Variants in ZFYVE1 observed in about 807,000 individuals in gnomAD.
ZFYVE1 encodes zinc finger FYVE domain-containing protein 1.
A neutral mutation model predicts 74.4 loss-of-function variants in ZFYVE1; 30 were observed. That is an observed-to-expected ratio of 0.40 (90% CI 0.30 to 0.55). ZFYVE1 has a LOEUF of 0.55. Among genes scored for constraint, ZFYVE1 ranks in the 20% least tolerant of loss-of-function variants. The pLI is 0.42. For missense variants in ZFYVE1, 703 were observed against 1,011.6 expected, an observed-to-expected ratio of 0.69 and a Z score of 4.14; for synonymous variants, 335 against 385.1, an observed-to-expected ratio of 0.87 and a Z score of 1.52.
At position 72,993,354 on chromosome 14, in the gene ZFYVE1, T is replaced by G; in HGVS notation, c.992A>C (p.His331Pro). The G allele has an allele frequency of 1.2e-6, 2 of 1,609,282 alleles. No individual in the cohort carries two copies. The highest frequency in any genetic ancestry group is 1.7e-6 in the Non-Finnish European group (2 of 1,178,816). ...GAGCTTCTCTGGCACCTCTGAGGGA[T>G]GATCTATACAAGCAGAAACACAGGC... is the stretch of plus-strand genomic sequence containing the variant. ...TVHTQLLGSD[H>P]PSEVPEKLIQ... Residue 331 changes from histidine (H) to proline (P), a missense_variant, in exon 4 of 12, where the codon CAT becomes CCT. Around this residue, in one of 2 missense-constraint regions of ZFYVE1, gnomAD observed 492 missense variants for 790.0 expected, o/e 0.62. Transcript: ENST00000556143.
At chr14:72,977,600 G>T (rs1388855062) in intron 8 of ZFYVE1, among the ~76,000 whole-genome samples, 1 of 152,046 alleles carries the variant, frequency 6.6e-6, no homozygotes, top group Non-Finnish European at 1.5e-5. Context: ...CAGGAAAAAG[G>T]CATGTAAATA....
At chr14:73,000,779 C>T (rs1228880845) in intron 2 of ZFYVE1, among the ~76,000 whole-genome samples, 1 of 152,160 alleles carries the variant, frequency 6.6e-6, no homozygotes, top group African/African-American at 2.4e-5. Flanking sequence ...CTTCTAAGTA[C>T]ATCAATGTTC....
chr14:72,978,850 G>A lies in ZFYVE1; in HGVS notation c.1419+11C>T, dbSNP rs375613692. On this transcript the variant is annotated intron_variant, in intron 6 of 11. Transcript: ENST00000556143. ...CCGCTGCTGACACAGGGAGGAGCTC[G>A]GAGGACTCACCTTGCAGGTATACAC... 4.0e-5 allele frequency: 64 copies of A among 1,612,530 alleles called. No individual in the cohort carries two copies. Among genetic ancestry groups the A allele is most frequent in the African/African-American group, 3.6e-4 (27 of 75,008 alleles).
chr14:72,997,384 G>C (rs1021376526), intron 3 of ZFYVE1, among the ~76,000 whole-genome samples: 1 of 151,372 alleles, frequency 6.6e-6, no homozygotes, highest in Non-Finnish European at 1.5e-5. Flanking sequence ...TTTTTTTAGA[G>C]ACATAGCCTC....
intron 2 of ZFYVE1, among the ~76,000 whole-genome samples, chr14:73,006,214 C>G (rs576024752): frequency 6.6e-6 from 1 of 152,008 alleles, no homozygotes; most frequent in Non-Finnish European, 1.5e-5. Context: ...CCACCGCGCC[C>G]GGCCAAAACA....
intron 4 of ZFYVE1, among the ~76,000 whole-genome samples, chr14:72,991,061 C>A (rs1353101416): frequency 6.6e-6 from 1 of 151,984 alleles, no homozygotes; most frequent in East Asian, 1.9e-4. Context: ...CGGAAGAATA[C>A]AGTCTAACTA....
intron 2 of ZFYVE1, among the ~76,000 whole-genome samples, chr14:73,020,210 G>T (rs1014215575): frequency 7.0e-6 from 1 of 142,042 alleles, no homozygotes; most frequent in Non-Finnish European, 1.5e-5. Context: ...AGCCAAGATT[G>T]TGCCATCACA....
At chr14:73,026,625 G>T (rs1303438579) in intron 1 of ZFYVE1, among the ~76,000 whole-genome samples, 3 of 151,790 alleles carry the variant, frequency 2.0e-5, no homozygotes, top group Non-Finnish European at 2.9e-5. Context: ...TGCCCACTCG[G>T]GCCCCCACCT....
chr14:72,985,719 A>AGG (rs1893459529), intron 4 of ZFYVE1, among the ~76,000 whole-genome samples: 1 of 152,076 alleles, frequency 6.6e-6, no homozygotes, highest in African/African-American at 2.4e-5. Flanking sequence ...CAGAAGGTAT[A>AGG]GAGAACACCA....
intron 2 of ZFYVE1, among the ~76,000 whole-genome samples, chr14:73,003,242 G>A (rs1221131636): frequency 6.6e-6 from 1 of 151,762 alleles, no homozygotes; most frequent in East Asian, 1.9e-4. Context: ...ACTTTTAGTA[G>A]AGATGGGATT....
chr14:72,978,067 C>G (rs773939972), intron 7 of ZFYVE1, 23 bp from the exon 8 acceptor site: 7 of 1,614,070 alleles, frequency 4.3e-6, no homozygotes, highest in Middle Eastern at 1.6e-4. Flanking sequence ...CAAATCAATA[C>G]TGTTACCCAG....
chr14:72,991,064 TCTAA>T (rs1362162856), intron 4 of ZFYVE1, among the ~76,000 whole-genome samples: 3 of 151,950 alleles, frequency 2.0e-5, no homozygotes, highest in Non-Finnish European at 2.9e-5. Context: ...AAGAATACAG[TCTAA>T]CTATTTTTCT....
At chr14:72,991,986 A>G (rs1893624024) in intron 4 of ZFYVE1, among the ~76,000 whole-genome samples, 1 of 150,864 alleles carries the variant, frequency 6.6e-6, no homozygotes, top group African/African-American at 2.4e-5. Flanking sequence ...GGCTCACTGC[A>G]ACGTCTGCCT....
chr14:72,983,234 C>T (rs1259217385), intron 4 of ZFYVE1, among the ~76,000 whole-genome samples: 1 of 151,130 alleles, frequency 6.6e-6, no homozygotes, highest in Non-Finnish European at 1.5e-5. Context: ...TTCTAGAGTA[C>T]ATGAGCACAA....
intron 8 of ZFYVE1, among the ~76,000 whole-genome samples, chr14:72,976,570 G>A (rs1893176049): frequency 6.6e-6 from 1 of 151,868 alleles, no homozygotes; most frequent in Admixed American, 6.6e-5. Flanking sequence ...GGATCACAAG[G>A]TCAAGAGATC....
intron 2 of ZFYVE1, among the ~76,000 whole-genome samples, chr14:73,000,259 T>C (rs1893840237): frequency 6.6e-6 from 1 of 152,082 alleles, no homozygotes; most frequent in Admixed American, 6.6e-5. Flanking sequence ...TCCTGAGTCA[T>C]TAGAGAAATG....
intron 2 of ZFYVE1, among the ~76,000 whole-genome samples, chr14:73,023,243 T>C (rs928261220): frequency 2.3e-4 from 27 of 117,824 alleles, no homozygotes; most frequent in African/African-American, 8.4e-4. Flanking sequence ...TTATATGTAA[T>C]ATATATATTA....
chr14:72,998,295 A>G lies in ZFYVE1; in HGVS notation c.504T>C (p.Phe168=), dbSNP rs997667. Residue 168 remains phenylalanine (F), a synonymous_variant, in exon 3 of 12, where the codon TTT becomes TTC. Transcript: ENST00000556143. ...EEIQVTNEED[F]IRKLDCKPDQ... The stretch of plus-strand genomic sequence containing the variant: ...CAGGTTTGCAGTCCAATTTTCTAAT[A>G]AAGTCTTCTTCATTTGTTACCTGCA... 508,969 of 1,499,144 alleles carry G rather than the reference A, an allele frequency of 0.34. 89,229 individuals carry two copies. Among genetic ancestry groups the G allele is most frequent in the Middle Eastern group, 0.38 (1,957 of 5,096 alleles). The allele number at this position is 1,499,144 out of a possible 1,614,324, so 92.9% of individuals were successfully genotyped here. A position where few individuals can be genotyped will look rare whatever the true frequency, so the allele number is the denominator to read the frequency against.
At position 73,026,800 on chromosome 14, in the gene ZFYVE1, C is replaced by T. The variant is rs531422703; in HGVS notation, c.-435+126G>A. On this transcript the variant is annotated intron_variant, in intron 1 of 11. Coordinates refer to ENST00000556143, the MANE Select transcript of ZFYVE1 (RefSeq NM_021260.4). Reference sequence around the variant, plus strand: ...AATCCATTGTTTATACCACCCCACCCCCACCCCCGCCGCACCCGCCCCCCC... The same window carrying T: ...AATCCATTGTTTATACCACCCCACCTCCACCCCCGCCGCACCCGCCCCCCC... The T allele has an allele frequency of 4.9e-3, 1,096 of 222,696 alleles. 8 individuals are homozygous for T. The highest frequency in any genetic ancestry group is 8.9e-3 in the South Asian group (47 of 5,264). The allele number at this position is 222,696 out of a possible 1,614,324, so 13.8% of individuals were successfully genotyped here.
Sources: allele counts gnomAD v4.1 joint callset (sites outside exome capture counted in the v4.1 genomes callset), GRCh38; gene constraint gnomAD v4.1.1; regional missense constraint gnomAD v4.1.1; transcripts MANE v1.5; gene names NCBI Gene and HGNC (gene_info 2026-07-23, HGNC 2026-07-21).